FGF12: variants seen among roughly 807,000 people sequenced by gnomAD.
FGF12 encodes the protein fibroblast growth factor 12B.
FGF12 carries 14 observed loss-of-function variants against 23.6 expected under a neutral mutation model. The ratio of observed to expected loss-of-function variants is 0.59; its 90% CI spans 0.39 to 0.93. FGF12 has a LOEUF of 0.93. Among genes scored for constraint, FGF12 ranks in the 40% least tolerant of loss-of-function variants. The pLI is 0.00. For missense variants in FGF12, 175 were observed against 217.8 expected (o/e 0.80, Z 1.24); for synonymous variants, 62 against 77.3 (o/e 0.80, Z 1.04).
chr3:192,495,019 C>T (rs549899028), intron 2 of FGF12, among the ~76,000 whole-genome samples: 1 of 152,202 alleles, frequency 6.6e-6, no homozygotes, highest in African/African-American at 2.4e-5. Flanking sequence ...CGCCACCTCG[C>T]CCGGCCAATT....
At chr3:192,663,781 T>C (rs1716757074) in intron 2 of FGF12, among the ~76,000 whole-genome samples, 1 of 151,566 alleles carries the variant, frequency 6.6e-6, no homozygotes, top group Non-Finnish European at 1.5e-5. Flanking sequence ...GCAGAAGAGA[T>C]GCTAAAGAAA....
chr3:192,457,018 G>A (rs1722702318), intron 2 of FGF12, among the ~76,000 whole-genome samples: 2 of 152,284 alleles, frequency 1.3e-5, no homozygotes, highest in South Asian at 2.1e-4. Flanking sequence ...TCCCGTGGTA[G>A]GGAATAAGTC....
At chr3:192,666,256 C>T (rs571574116) in intron 2 of FGF12, among the ~76,000 whole-genome samples, 9 of 152,196 alleles carry the variant, frequency 5.9e-5, no homozygotes, top group Non-Finnish European at 1.3e-4. Flanking sequence ...TATAGCTTTG[C>T]TTAATTTAAG....
At chr3:192,610,318 T>C (rs1228926116) in intron 2 of FGF12, among the ~76,000 whole-genome samples, 1 of 152,050 alleles carries the variant, frequency 6.6e-6, no homozygotes, top group Non-Finnish European at 1.5e-5. Flanking sequence ...TTGTACATTG[T>C]CTGCAATTAT....
At chr3:192,556,382 G>A (rs1388625013) in intron 2 of FGF12, among the ~76,000 whole-genome samples, 2 of 152,012 alleles carry the variant, frequency 1.3e-5, no homozygotes, top group African/African-American at 4.8e-5. Context: ...ATTTATTTAA[G>A]GCAAAATAGA....
chr3:192,584,324 A>G (rs1337108820), intron 2 of FGF12, among the ~76,000 whole-genome samples: 3 of 152,050 alleles, frequency 2.0e-5, no homozygotes, highest in Non-Finnish European at 4.4e-5. Context: ...ATTTGCACCA[A>G]TTAAGAATAT....
intron 2 of FGF12, among the ~76,000 whole-genome samples, chr3:192,614,743 T>C: frequency 6.6e-6 from 1 of 151,892 alleles, no homozygotes; most frequent in East Asian, 1.9e-4. Context: ...AGAGACAGAG[T>C]TTCAGGTAAC....
chr3:192,595,422 C>T (rs1314435875), intron 2 of FGF12, among the ~76,000 whole-genome samples: 1 of 152,230 alleles, frequency 6.6e-6, no homozygotes, highest in Non-Finnish European at 1.5e-5. Context: ...CAGTCCTTTC[C>T]CTCATTCATG....
At chr3:192,167,163 C>CAAA (rs35097529) in intron 5 of FGF12, among the ~76,000 whole-genome samples, 7 of 108,080 alleles carry the variant, frequency 6.5e-5, no homozygotes, top group Admixed American at 1.9e-4. Context: ...ATATGGCTAT[C>CAAA]AAAAAAAAAA....
chr3:192,569,844 A>C (rs1225996285), intron 2 of FGF12, among the ~76,000 whole-genome samples: 1 of 152,220 alleles, frequency 6.6e-6, no homozygotes, highest in Non-Finnish European at 1.5e-5. Context: ...GGAAGGTTGC[A>C]ATAGGGAAAA....
chr3:192,626,612 T>C (rs1410117028), intron 2 of FGF12, among the ~76,000 whole-genome samples: 1 of 152,098 alleles, frequency 6.6e-6, no homozygotes, highest in Non-Finnish European at 1.5e-5. Context: ...AATTTGTTTG[T>C]TTGTTGTTTG....
At chr3:192,616,608 A>G (rs1463126063) in intron 2 of FGF12, among the ~76,000 whole-genome samples, 1 of 152,070 alleles carries the variant, frequency 6.6e-6, no homozygotes, top group Non-Finnish European at 1.5e-5. Flanking sequence ...GGTGAAAAAA[A>G]GTAATATGGG....
At chr3:192,569,613 G>A (rs1395346191) in intron 2 of FGF12, among the ~76,000 whole-genome samples, 5 of 152,212 alleles carry the variant, frequency 3.3e-5, no homozygotes, top group Non-Finnish European at 7.3e-5. Flanking sequence ...TTGGGGAACT[G>A]AAGTAAGATT....
At chr3:192,630,565 T>TTC (rs1192259795) in intron 2 of FGF12, among the ~76,000 whole-genome samples, 1 of 150,698 alleles carries the variant, frequency 6.6e-6, no homozygotes, top group Non-Finnish European at 1.5e-5. Context: ...TTTTTTTTTT[T>TTC]TTTTTTAGAT....
chr3:192,411,957 G>GT (rs35730192), intron 2 of FGF12, among the ~76,000 whole-genome samples: 16,982 of 149,544 alleles, frequency 0.11, 1,525 homozygotes, highest in East Asian at 0.51. Flanking sequence ...AATATGGCCG[G>GT]TTTTTTTTTT....
chr3:192,590,028 T>C (rs1015890496), intron 2 of FGF12, among the ~76,000 whole-genome samples: 1 of 151,642 alleles, frequency 6.6e-6, no homozygotes, highest in African/African-American at 2.4e-5. Flanking sequence ...TCTTGGGAGA[T>C]TTTTTTTAAT....
chr3:192,141,127 CCAA>C lies in FGF12; in HGVS notation c.*2879_*2881del, dbSNP rs1339417405. ...TCCTGGGAAAAATCCCAATGCAACTCCAAAAAAAAAAAAAAAAAAAAAAAAAAG... is the reference window on the plus strand; with the variant it reads ...TCCTGGGAAAAATCCCAATGCAACTCAAAAAAAAAAAAAAAAAAAAAAAAG... On this transcript the variant is annotated 3_prime_UTR_variant, in exon 6 of 6. Transcript: ENST00000445105. The C allele has an allele frequency of 4.6e-4, 10 of 21,858 alleles. No individual in the cohort carries two copies. The highest frequency in any genetic ancestry group is 3.6e-3 in the Admixed American group (5 of 1,406). 1.4% of individuals were successfully genotyped at this position (21,858 alleles called of 1,614,324 possible).
At chr3:192,264,946 G>A (rs1712987241) in intron 4 of FGF12, among the ~76,000 whole-genome samples, 1 of 152,088 alleles carries the variant, frequency 6.6e-6, no homozygotes, top group South Asian at 2.1e-4. Context: ...AATTCACTAG[G>A]TATATTGAAG....
rs140732921 is a variant in FGF12 at position 192,562,465 on chromosome 3, A to G, written c.13+164716T>C. On this transcript the variant is annotated intron_variant, in intron 2 of 5. Coordinates refer to ENST00000445105, the MANE Select transcript of FGF12 (RefSeq NM_004113.6). The stretch of plus-strand genomic sequence containing the variant: ...GCATGAAGTAAATAATAAGAAAAAC[A>G]TGAAGGGATTTCTTCAGTAAAGTTC... Among the ~76,000 whole-genome samples, 34 of 152,326 alleles carry G rather than the reference A, an allele frequency of 2.2e-4. No individual in the cohort carries two copies. In the East Asian group the frequency reaches 6.4e-3, roughly 29 times the overall value.
Sources: allele counts gnomAD v4.1 joint callset (sites outside exome capture counted in the v4.1 genomes callset), GRCh38; gene constraint gnomAD v4.1.1; transcripts MANE v1.5; gene names NCBI Gene and HGNC (gene_info 2026-07-23, HGNC 2026-07-21).